LY75: variants seen among roughly 807,000 people sequenced by gnomAD.
LY75 encodes the protein lymphocyte antigen 75.
A neutral mutation model predicts 231.7 loss-of-function variants in LY75; 185 were observed. That is an observed-to-expected ratio of 0.80 (90% CI 0.71 to 0.90). LY75 has a LOEUF of 0.90. Among genes scored for constraint, LY75 ranks in the 40% least tolerant of loss-of-function variants. The probability of loss-of-function intolerance (pLI) is 0.00; values close to 1 mark genes in which losing one functional copy is unlikely to be tolerated. For synonymous variants in LY75, 668 were observed against 689.0 expected (o/e 0.97, Z 0.48); for missense variants, 1,947 against 2,050.2 (o/e 0.95, Z 0.97).
intron 23 of LY75, among the ~76,000 whole-genome samples, chr2:159,842,913 A>C (rs1040925838): frequency 6.6e-5 from 10 of 152,144 alleles, no homozygotes; most frequent in African/African-American, 2.4e-4. Flanking sequence ...AACATATCAC[A>C]CTTAGAAAAA....
At chr2:159,875,872 A>G (rs1290586283) in intron 11 of LY75, among the ~76,000 whole-genome samples, 3 of 152,144 alleles carry the variant, frequency 2.0e-5, no homozygotes, top group Admixed American at 6.5e-5. Context: ...GGGGGATTCT[A>G]TTGTCATAAT....
intron 13 of LY75, among the ~76,000 whole-genome samples, chr2:159,869,436 C>T (rs1684947162): frequency 6.6e-6 from 1 of 152,124 alleles, no homozygotes; most frequent in South Asian, 2.1e-4. Flanking sequence ...TCAGTGAAAT[C>T]GGAAGCTTGT....
intron 32 of LY75, 66 bp downstream of exon 32, chr2:159,810,460 T>C: frequency 6.4e-7 from 1 of 1,565,412 alleles, no homozygotes; most frequent in South Asian, 1.2e-5. Flanking sequence ...TTGCTTCAAA[T>C]TATATCCTTA....
At chr2:159,829,452 T>C (rs1437045789) in intron 28 of LY75, among the ~76,000 whole-genome samples, 1 of 152,190 alleles carries the variant, frequency 6.6e-6, no homozygotes, top group Non-Finnish European at 1.5e-5. Context: ...GTAATTTCTA[T>C]TCATGGCCCT....
chr2:159,904,648 G>T lies in LY75; in HGVS notation c.35C>A (p.Ala12Glu), dbSNP rs774677648. Residue 12 changes from alanine to glutamate, a missense_variant, in exon 1 of 35, where the codon GCG becomes GAG. Coordinates refer to ENST00000263636, the MANE Select transcript of LY75 (RefSeq NM_002349.4). ...RTGWATPRRPAGLLMLLFWFF... is the reference protein window; with the variant it reads ...RTGWATPRRPEGLLMLLFWFF... The stretch of plus-strand genomic sequence containing the variant: ...CCAGAAGAGCAGCATGAGGAGCCCC[G>T]CCGGGCGGCGAGGGGTCGCCCAGCC... 4.0e-6 allele frequency: 6 copies of T among 1,493,134 alleles called. No homozygotes were observed. In the South Asian group the frequency reaches 6.3e-5, roughly 16 times the overall value. The allele number at this position is 1,493,134 out of a possible 1,614,324, so 92.5% of individuals were successfully genotyped here.
At chr2:159,859,450 T>C (rs1684635830) in intron 15 of LY75, among the ~76,000 whole-genome samples, 1 of 152,192 alleles carries the variant, frequency 6.6e-6, no homozygotes, top group Non-Finnish European at 1.5e-5. Context: ...CTCTATATAT[T>C]GGCAGTTCCT....
intron 12 of LY75, among the ~76,000 whole-genome samples, chr2:159,873,564 A>G (rs952548325): frequency 1.3e-5 from 2 of 152,136 alleles, no homozygotes; most frequent in African/African-American, 4.8e-5. Flanking sequence ...CCCAAACTAG[A>G]TCAGTCAAAC....
intron 1 of LY75, chr2:159,903,176 G>C (rs191740178): frequency 6.6e-6 from 1 of 152,226 alleles, no homozygotes; most frequent in Non-Finnish European, 1.5e-5. Flanking sequence ...GGGGAACAGA[G>C]TTAAACCTGG....
At position 159,885,347 on chromosome 2, in the gene LY75, G is replaced by T. The variant is rs1685553435; in HGVS notation, c.914-54C>A. 3 of 1,555,018 alleles carry T rather than the reference G, an allele frequency of 1.9e-6. No individual in the cohort carries two copies. The South Asian group carries it at 3.7e-5, about 19-fold the overall frequency. ...AGAATGAGAAAGTTAGGGCCAGGAT[G>T]GTGTCAGAAAGAATAATTTGTATTC... On this transcript the variant is annotated intron_variant, in intron 5 of 34. Coordinates refer to ENST00000263636, the MANE Select transcript of LY75 (RefSeq NM_002349.4).
chr2:159,835,549 TG>T lies in LY75; in HGVS notation c.3603del (p.Asp1201GlufsTer44). ...TCAACTGTTTTCCAGAATCCATCAG[TG>T]TCTAATACTACACAGTCTTCGAGTT... The part of the protein sequence containing the change: ...NGQLEDCVVL[D>X]TDGFWKTVDC... On this transcript the variant is annotated frameshift_variant, in exon 26 of 35. Coordinates refer to ENST00000263636, the MANE Select transcript of LY75 (RefSeq NM_002349.4). LOFTEE classifies it high-confidence loss of function. 1 of 1,613,534 alleles carries T rather than the reference TG, an allele frequency of 6.2e-7. No individual in the cohort carries two copies. Among genetic ancestry groups the T allele is most frequent in the South Asian group, 1.1e-5 (1 of 90,908 alleles).
intron 5 of LY75, among the ~76,000 whole-genome samples, chr2:159,885,933 T>C (rs1305106012): frequency 6.6e-6 from 1 of 152,212 alleles, no homozygotes; most frequent in Non-Finnish European, 1.5e-5. Flanking sequence ...GGCATTTTGC[T>C]TGTTTTATTC....
intron 1 of LY75, chr2:159,902,535 A>T (rs969600886): frequency 1.3e-5 from 2 of 152,214 alleles, no homozygotes; most frequent in Admixed American, 6.5e-5. Context: ...ATAACCACAG[A>T]CAAATGGATA....
intron 32 of LY75, 39 bp from the exon 33 acceptor site, chr2:159,808,610 A>G: frequency 1.2e-6 from 2 of 1,607,914 alleles, no homozygotes; most frequent in Non-Finnish European, 1.7e-6. Context: ...GCTTTATGGA[A>G]ACTAGAGAAG....
intron 16 of LY75, among the ~76,000 whole-genome samples, chr2:159,855,821 G>A (rs1309523613): frequency 6.6e-6 from 1 of 152,174 alleles, no homozygotes; most frequent in Non-Finnish European, 1.5e-5. Flanking sequence ...CTGGCTTCAA[G>A]TCAAAGACAT....
chr2:159,850,339 T>C, intron 22 of LY75, 23 bp downstream of exon 22: 1 of 1,612,870 alleles, frequency 6.2e-7, no homozygotes, highest in Non-Finnish European at 8.5e-7. Context: ...GAATAAAACA[T>C]GTTTCCCAAA....
intron 3 of LY75, 58 bp downstream of exon 3, chr2:159,893,856 C>T: frequency 6.5e-7 from 1 of 1,532,236 alleles, no homozygotes; most frequent in South Asian, 1.3e-5. Context: ...TTCCTTCTCC[C>T]TATTGCCTCA....
intron 1 of LY75, among the ~76,000 whole-genome samples, 198 bp downstream of exon 1, chr2:159,904,391 G>T (rs1010974974): frequency 3.3e-5 from 5 of 152,180 alleles, no homozygotes; most frequent in African/African-American, 9.7e-5. Flanking sequence ...CCCTCCTCCG[G>T]GCCCCCGAGG....
At chr2:159,854,608 T>C in intron 17 of LY75, 73 bp from the exon 18 acceptor site, 12 of 1,504,150 alleles carry the variant, frequency 8.0e-6, no homozygotes, top group Non-Finnish European at 1.1e-5. Flanking sequence ...CATGAGTTAA[T>C]GTTCAAAACT....
intron 11 of LY75, among the ~76,000 whole-genome samples, chr2:159,876,834 C>T (rs889941561): frequency 4.0e-5 from 6 of 151,518 alleles, no homozygotes; most frequent in East Asian, 1.9e-4. Flanking sequence ...GGTGAAACTC[C>T]GTCTCTACTA....
Sources: allele counts gnomAD v4.1 joint callset (sites outside exome capture counted in the v4.1 genomes callset), GRCh38; gene constraint gnomAD v4.1.1; transcripts MANE v1.5; gene names NCBI Gene and HGNC (gene_info 2026-07-23, HGNC 2026-07-21).